The following NCAM1 variants were observed in gnomAD, a reference collection of about 807,000 sequenced individuals.
The protein encoded by NCAM1 is neural cell adhesion molecule 1.
Under a neutral mutation model 109.8 loss-of-function variants are expected in NCAM1, and 14 were observed. That is an observed-to-expected ratio of 0.13 (90% CI 0.08 to 0.20). NCAM1 has a LOEUF of 0.20. Ranked by LOEUF, NCAM1 falls within the 10% of genes least tolerant of loss-of-function variation. The pLI is 1.00. For missense variants in NCAM1, 774 were observed against 1,109.9 expected (o/e 0.70, Z 4.30); for synonymous variants, 418 against 442.9 (o/e 0.94, Z 0.70).
At chr11:113,228,832 A>G (rs1165546062) in intron 9 of NCAM1, among the ~76,000 whole-genome samples, 4 of 152,238 alleles carry the variant, frequency 2.6e-5, no homozygotes, top group Non-Finnish European at 5.9e-5. Flanking sequence ...AGCAATGGGG[A>G]AAGGATTCCC....
chr11:112,978,866 A>T (rs1285694443), intron 1 of NCAM1, among the ~76,000 whole-genome samples: 2 of 151,800 alleles, frequency 1.3e-5, no homozygotes, highest in African/African-American at 4.8e-5. Context: ...GTTTTAAATG[A>T]TTTTGTTAAA....
intron 1 of NCAM1, among the ~76,000 whole-genome samples, chr11:113,055,978 G>GATATATAT (rs58693567): frequency 7.5e-4 from 45 of 60,018 alleles, no homozygotes; most frequent in Non-Finnish European, 1.3e-3. Flanking sequence ...AAGAAAATGT[G>GATATATAT]ATATATATAT....
chr11:113,177,100 A>G (rs1943176747), intron 1 of NCAM1, among the ~76,000 whole-genome samples: 2 of 152,214 alleles, frequency 1.3e-5, no homozygotes. Context: ...ACAAAATGTT[A>G]TCTCAGGCAT....
At chr11:112,998,383 G>T (rs946061221) in intron 1 of NCAM1, among the ~76,000 whole-genome samples, 9 of 152,096 alleles carry the variant, frequency 5.9e-5, no homozygotes, top group Non-Finnish European at 1.3e-4. Flanking sequence ...GAGAGATGGG[G>T]ATTCCTGCTT....
At chr11:113,197,166 C>T (rs111559167) in intron 1 of NCAM1, 138 of 233,976 alleles carry the variant, frequency 5.9e-4, no homozygotes, top group African/African-American at 2.9e-3. Flanking sequence ...CACCAGGTCC[C>T]GTGCTTGACA....
chr11:113,206,373 G>T, intron 5 of NCAM1, among the ~76,000 whole-genome samples, 193 bp downstream of exon 5: 1 of 147,868 alleles, frequency 6.8e-6, no homozygotes, highest in Admixed American at 6.7e-5. Context: ...TTGCCTGTTG[G>T]ATCTTCCTTC....
In NCAM1 at chr11:113,120,364, G is replaced by A. The variant is rs576344999; in HGVS notation, c.53-82015G>A. ...GTATCCTTATCTTTTTTAGCACTCA[G>A]CCATTTAAAAGTAACAACCACCATC... is the stretch of plus-strand genomic sequence containing the variant. On this transcript the variant is annotated intron_variant, in intron 1 of 19. Transcript: ENST00000316851. 5.9e-5 allele frequency among the ~76,000 whole-genome samples: 9 copies of A among 152,238 alleles called. No individual in the cohort carries two copies. In the South Asian group the frequency reaches 1.9e-3, roughly 32 times the overall value.
chr11:113,110,173 T>C (rs1403688776), intron 1 of NCAM1, among the ~76,000 whole-genome samples: 4 of 151,964 alleles, frequency 2.6e-5, no homozygotes, highest in African/African-American at 9.7e-5. Flanking sequence ...CAGTGAATTA[T>C]GAACTTGTCT....
rs71698389 is a variant in NCAM1, at chr11:113,017,635, T to TTGTGTGTGTGTGTG, written c.52+55983_52+55996dup. ...AATAAAGTCAGCCATCAGTACTGTT[T>TTGTGTGTGTGTGTG]TGTGTGTGTGTGTGTGTGTGTGTGT... On this transcript the variant is annotated intron_variant, in intron 1 of 19. Transcript: ENST00000316851. Among the ~76,000 whole-genome samples the TTGTGTGTGTGTGTG allele has an allele frequency of 2.6e-3, 375 of 145,248 alleles. 1 individual carries two copies. Among genetic ancestry groups the TTGTGTGTGTGTGTG allele is most frequent in the African/African-American group, 5.1e-3 (203 of 39,718 alleles).
intron 1 of NCAM1, among the ~76,000 whole-genome samples, chr11:112,992,178 A>G (rs1555070683): frequency 6.6e-6 from 1 of 152,090 alleles, no homozygotes; most frequent in Non-Finnish European, 1.5e-5. Context: ...ATTCAATATG[A>G]GATTTTTCTT....
rs1945953272 is a variant in NCAM1 at position 113,260,295 on chromosome 11, G to A, written c.2103G>A (p.Arg701=). The A allele has an allele frequency of 6.2e-7, 1 of 1,613,652 alleles. No homozygotes were observed. The highest frequency in any genetic ancestry group is 1.7e-5 in the Admixed American group (1 of 59,968). ...GKSKAAHFVF[R]TSAQPTAIPA... ...CCAAGGCGGCTCATTTTGTGTTCAGGACCTCGGCCCAGCCCACAGCCATCC... is the reference window on the plus strand; with the variant it reads ...CCAAGGCGGCTCATTTTGTGTTCAGAACCTCGGCCCAGCCCACAGCCATCC... Residue 701 remains arginine, a synonymous_variant, in exon 17 of 20, where the codon AGG becomes AGA. Coordinates refer to ENST00000316851, the MANE Select transcript of NCAM1 (RefSeq NM_181351.5).
At chr11:113,226,259 AAAC>A (rs1944842312) in intron 9 of NCAM1, among the ~76,000 whole-genome samples, 1 of 152,218 alleles carries the variant, frequency 6.6e-6, no homozygotes, top group South Asian at 2.1e-4. Flanking sequence ...ATGGAAAACA[AAAC>A]AAGGCAGGGG....
intron 1 of NCAM1, among the ~76,000 whole-genome samples, chr11:113,117,079 A>G (rs868917715): frequency 6.6e-6 from 1 of 151,896 alleles, no homozygotes; most frequent in Non-Finnish European, 1.5e-5. Flanking sequence ...TCAATATTTC[A>G]TGTGCCAAGA....
intron 9 of NCAM1, chr11:113,231,302 A>G (rs1555117151): frequency 4.6e-6 from 7 of 1,535,424 alleles, no homozygotes; most frequent in South Asian, 2.4e-5. Context: ...CTGCTGCAAT[A>G]TCTGCTGGCC....
chr11:112,987,439 A>G (rs945464733), intron 1 of NCAM1, among the ~76,000 whole-genome samples: 3 of 152,086 alleles, frequency 2.0e-5, no homozygotes, highest in African/African-American at 4.8e-5. Context: ...CACTTTTTCC[A>G]TAATGATTTT....
At chr11:113,130,241 ATTAAC>A (rs1555098094) in intron 1 of NCAM1, among the ~76,000 whole-genome samples, 1 of 152,184 alleles carries the variant, frequency 6.6e-6, no homozygotes, top group East Asian at 1.9e-4. Context: ...GAGCATTGGA[ATTAAC>A]TTTTTTAAAA....
chr11:113,016,056 C>T (rs567107983), intron 1 of NCAM1, among the ~76,000 whole-genome samples: 10 of 152,172 alleles, frequency 6.6e-5, no homozygotes, highest in African/African-American at 2.2e-4. Flanking sequence ...GATTGGAATA[C>T]GATAACAGCT....
At chr11:113,011,964 T>TTTCCTTCC (rs200929273) in intron 1 of NCAM1, among the ~76,000 whole-genome samples, 17,751 of 113,848 alleles carry the variant, frequency 0.16, 1,635 homozygotes, top group African/African-American at 0.16. Context: ...CCTTCTCTCC[T>TTTCCTTCC]TTCCTTCCTT....
intron 1 of NCAM1, among the ~76,000 whole-genome samples, chr11:113,112,393 T>C (rs1591335760): frequency 6.6e-6 from 1 of 152,318 alleles, no homozygotes. Flanking sequence ...TAAAATTGAT[T>C]GTTTTCCTCA....
Sources: allele counts gnomAD v4.1 joint callset (sites outside exome capture counted in the v4.1 genomes callset), GRCh38; gene constraint gnomAD v4.1.1; transcripts MANE v1.5; gene names NCBI Gene and HGNC (gene_info 2026-07-23, HGNC 2026-07-21).